Variants in CHMP7 observed in about 807,000 individuals in gnomAD.
CHMP7 encodes the protein charged multivesicular body protein 7, also known as CHMP family, member 7.
CHMP7 carries 15 observed loss-of-function variants against 53.7 expected under a neutral mutation model. That is an observed-to-expected ratio of 0.28 (90% CI 0.19 to 0.43). The LOEUF (loss-of-function observed/expected upper bound fraction) is 0.43. Ranked by LOEUF, CHMP7 falls within the 20% of genes least tolerant of loss-of-function variation. The pLI is 1.00. For synonymous variants in CHMP7, 261 were observed against 228.0 expected, an observed-to-expected ratio of 1.14 and a Z score of -1.30; for missense variants, 527 against 569.4, an observed-to-expected ratio of 0.93 and a Z score of 0.76.
chr8:23,246,736 G>T lies in CHMP7; in HGVS notation c.41G>T (p.Gly14Val), dbSNP rs973607314. ...CGGGAGGCCGAGGCCCCAGCCGGGG[G>T]AGACCCGGCGGGCCTTCTGCCCCCC... ...PEREAEAPAG[G>V]DPAGLLPPEW... Residue 14 changes from glycine to valine, a missense_variant, in exon 2 of 11, where the codon GGA becomes GTA. Gly to Val is a moderately radical substitution (Grantham distance 109). Transcript: ENST00000397677. The T allele has an allele frequency of 1.3e-6, 2 of 1,551,236 alleles. No homozygotes were observed. Among genetic ancestry groups the T allele is most frequent in the South Asian group, 1.2e-5 (1 of 84,180 alleles).
At chr8:23,251,404 A>G (rs1801925765) in intron 3 of CHMP7, among the ~76,000 whole-genome samples, 1 of 152,150 alleles carries the variant, frequency 6.6e-6, no homozygotes, top group Non-Finnish European at 1.5e-5. Flanking sequence ...AGAGTGCGTG[A>G]GTGTGTATGT....
In CHMP7 at chr8:23,246,930, G is replaced by A. The variant is rs1801720619; in HGVS notation, c.235G>A (p.Glu79Lys). The change falls in exon 2 of 11, where the codon GAG becomes AAG. Residue 79 changes from glutamate to lysine, a missense_variant. Physicochemically the swap from Glu to Lys is moderately conservative, Grantham distance 56. Coordinates refer to ENST00000397677, the MANE Select transcript of CHMP7 (RefSeq NM_152272.5). ...VVRLRLRDLQ[E>K]AFQRKGSVPL... The stretch of plus-strand genomic sequence containing the variant: ...GCGCCTGCGTCTGCGGGACTTGCAG[G>A]AGGCCTTTCAGCGCAAGGGGAGCGT... The A allele has an allele frequency of 6.4e-7, 1 of 1,563,550 alleles. No homozygotes were observed. Among genetic ancestry groups the A allele is most frequent in the African/African-American group, 1.3e-5 (1 of 74,102 alleles).
intron 5 of CHMP7, among the ~76,000 whole-genome samples, chr8:23,257,524 G>A (rs1802184061): frequency 6.6e-6 from 1 of 152,216 alleles, no homozygotes; most frequent in African/African-American, 2.4e-5. Flanking sequence ...TGGGGATACA[G>A]CCGTGGACAA....
At chr8:23,260,477 G>A in intron 10 of CHMP7, 61 bp from the exon 11 acceptor site, 2 of 1,538,462 alleles carry the variant, frequency 1.3e-6, no homozygotes, top group East Asian at 2.2e-5. Flanking sequence ...CTTAATCACT[G>A]GAATGCCTTC....
chr8:23,259,963 G>C (rs1802315199), intron 9 of CHMP7, 181 bp from the exon 10 acceptor site: 1 of 593,748 alleles, frequency 1.7e-6, no homozygotes, highest in South Asian at 2.0e-5. Context: ...ACTTAGCTTG[G>C]AGTGTGGAAG....
chr8:23,245,486 T>G (rs1801653677), intron 1 of CHMP7, among the ~76,000 whole-genome samples: 1 of 152,262 alleles, frequency 6.6e-6, no homozygotes. Context: ...TTTAACCTGG[T>G]GTACAATTCT....
chr8:23,248,359 G>A (rs569551254), intron 2 of CHMP7, among the ~76,000 whole-genome samples: 1 of 152,290 alleles, frequency 6.6e-6, no homozygotes, highest in South Asian at 2.1e-4. Context: ...CCTGGGTCCT[G>A]AAGAATTTCT....
chr8:23,251,155 A>G (rs1801915100), intron 3 of CHMP7, among the ~76,000 whole-genome samples: 1 of 152,176 alleles, frequency 6.6e-6, no homozygotes, highest in African/African-American at 2.4e-5. Flanking sequence ...AAACCCATGG[A>G]TCCCCACAGA....
chr8:23,252,379 TTTCACC>T (rs1340606577), intron 3 of CHMP7: 1 of 152,068 alleles, frequency 6.6e-6, no homozygotes, highest in Non-Finnish European at 1.5e-5. Flanking sequence ...AGAGATTGGG[TTTCACC>T]ATGTTAGCCA....
In CHMP7 at chr8:23,258,843, G is replaced by A. The variant is rs1438098997; in HGVS notation, c.1059+13G>A. 7 of 1,544,810 alleles carry A rather than the reference G, an allele frequency of 4.5e-6. No individual in the cohort carries two copies. Among genetic ancestry groups the A allele is most frequent in the East Asian group, 2.2e-5 (1 of 44,510 alleles). On this transcript the variant is annotated intron_variant, in intron 8 of 10. Coordinates refer to ENST00000397677, the MANE Select transcript of CHMP7 (RefSeq NM_152272.5). The stretch of plus-strand genomic sequence containing the variant: ...TCAGATCCAAGAGGTACAGAAAGGG[G>A]CCAGGGAGGGACACACAGAGAAGGA...
At chr8:23,259,162 A>ATTTTTTTTTT (rs374301627) in intron 9 of CHMP7, 36 bp downstream of exon 9, 32 of 530,592 alleles carry the variant, frequency 6.0e-5, no homozygotes, top group African/African-American at 3.3e-4. Context: ...ATTTTTATTC[A>ATTTTTTTTTT]TTTTTTTTTT....
intron 3 of CHMP7, chr8:23,254,853 G>C (rs1802063316): frequency 3.1e-6 from 1 of 321,704 alleles, no homozygotes; most frequent in Non-Finnish European, 6.1e-6. Context: ...GGACTAGTGA[G>C]GCTGTGACTG....
intron 8 of CHMP7, 83 bp downstream of exon 8, chr8:23,258,913 G>A (rs1048442384): frequency 3.9e-5 from 45 of 1,141,568 alleles, no homozygotes; most frequent in Middle Eastern, 1.9e-4. Context: ...CCTCTTTAAC[G>A]AAACCTGACT....
At chr8:23,260,517 A>G in intron 10 of CHMP7, 21 bp from the exon 11 acceptor site, 10 of 1,610,036 alleles carry the variant, frequency 6.2e-6, no homozygotes, top group Non-Finnish European at 8.5e-6. Flanking sequence ...TATAGTGTTC[A>G]GTCATTTCTT....
At chr8:23,256,684 A>T in intron 5 of CHMP7, 91 bp downstream of exon 5, 86 of 833,074 alleles carry the variant, frequency 1.0e-4, no homozygotes, top group Middle Eastern at 2.8e-4. Flanking sequence ...TTTAAAAAAT[A>T]GGTGGGTTTT....
chr8:23,247,321 C>T (rs925339570), intron 2 of CHMP7, among the ~76,000 whole-genome samples: 1 of 152,134 alleles, frequency 6.6e-6, no homozygotes, highest in African/African-American at 2.4e-5. Flanking sequence ...CTAAGGGCCT[C>T]CAAATTTGAA....
chr8:23,260,211 G>C lies in CHMP7; in HGVS notation c.1188G>C (p.Leu396Phe), dbSNP rs773858722. 4 of 1,614,030 alleles carry C rather than the reference G, an allele frequency of 2.5e-6. No homozygotes were observed. The African/African-American group carries it at 5.3e-5, about 22-fold the overall frequency. The change falls in exon 10 of 11, where the codon TTG (leucine) becomes TTC (phenylalanine). Residue 396 changes from leucine (L) to phenylalanine (F), a missense_variant. Coordinates refer to ENST00000397677, the MANE Select transcript of CHMP7 (RefSeq NM_152272.5). The stretch of plus-strand genomic sequence containing the variant: ...TTCAGGATACCACCAAAGAACCTTT[G>C]GATCTGCCTGACAACCCCCGCAATA... ...ILLQDTTKEP[L>F]DLPDNPRNRH...
Position 23,256,468 on chromosome 8 carries a change from G to A in CHMP7, c.666G>A (p.Lys222=). 1 of 1,606,034 alleles carries A rather than the reference G, an allele frequency of 6.2e-7. No homozygotes were observed. Among genetic ancestry groups the A allele is most frequent in the Middle Eastern group, 1.7e-4 (1 of 6,050 alleles). The stretch of plus-strand genomic sequence containing the variant: ...TTCTCCCTGTCCCTCAGATTGTGAA[G>A]TTTGCCCGAGGGCCACGTGCCAAGG... The part of the protein sequence containing the change: ...VLEQNGEKIV[K]FARGPRAKVS... The change falls in exon 5 of 11, where the codon AAG becomes AAA. Residue 222 remains lysine (K), a synonymous_variant. Coordinates refer to ENST00000397677, the MANE Select transcript of CHMP7 (RefSeq NM_152272.5).
chr8:23,250,216 A>G (rs1423592667), intron 3 of CHMP7, among the ~76,000 whole-genome samples: 1 of 152,148 alleles, frequency 6.6e-6, no homozygotes, highest in Non-Finnish European at 1.5e-5. Context: ...TCACTGAGAA[A>G]GTAGACTCAG....
Sources: allele counts gnomAD v4.1 joint callset (sites outside exome capture counted in the v4.1 genomes callset), GRCh38; gene constraint gnomAD v4.1.1; transcripts MANE v1.5; gene names NCBI Gene and HGNC (gene_info 2026-07-23, HGNC 2026-07-21).